Variants in C1orf167 observed in about 807,000 individuals in gnomAD.
C1orf167 encodes uncharacterized protein C1orf167.
In C1orf167, 153 loss-of-function variants were observed where a neutral mutation model predicts 176.5. The observed-to-expected ratio is 0.87, with a 90% confidence interval of 0.76 to 0.99. C1orf167 has a LOEUF of 0.99. C1orf167 is among the 50% of genes least tolerant of loss of function. The probability of loss-of-function intolerance (pLI) is 0.00; values close to 1 mark genes in which losing one functional copy is unlikely to be tolerated. For synonymous variants in C1orf167, 594 were observed against 752.7 expected (o/e 0.79, Z 3.45); for missense variants, 1,490 against 1,817.7 (o/e 0.82, Z 3.28).
chr1:11,767,043 T>G lies in C1orf167; in HGVS notation c.1257T>G (p.Ala419=), dbSNP rs1642832745. 8.2e-7 allele frequency: 1 copy of G among 1,222,370 alleles called. No individual in the cohort carries two copies. Among genetic ancestry groups the G allele is most frequent in the Non-Finnish European group, 1.0e-6 (1 of 954,592 alleles). 75.7% of individuals were successfully genotyped at this position (1,222,370 alleles called of 1,614,324 possible). A position where few individuals can be genotyped will look rare whatever the true frequency, so the allele number is the denominator to read the frequency against. The stretch of plus-strand genomic sequence containing the variant: ...TCCACAGGGAGGAGGAGAGGACAGC[T>G]TTCCATCTGTCAGACACAGTCCCAG... ...ERVHREEERT[A]FHLSDTVPAS... Residue 419 remains alanine, a synonymous_variant, in exon 3 of 21, where the codon GCT becomes GCG. Transcript: ENST00000688073.
intron 8 of C1orf167, among the ~76,000 whole-genome samples, chr1:11,773,839 T>C (rs1323812194): frequency 6.6e-6 from 1 of 152,194 alleles, no homozygotes; most frequent in Non-Finnish European, 1.5e-5. Context: ...GTATATATTG[T>C]ATTAGAGTTT....
intron 9 of C1orf167, 23 bp downstream of exon 9, chr1:11,775,633 C>A: frequency 7.8e-7 from 1 of 1,289,246 alleles, no homozygotes; most frequent in South Asian, 1.3e-5. Context: ...TGGCTTCCGC[C>A]CCAGCAAACC....
chr1:11,764,824 G>C (rs1033096026), intron 2 of C1orf167, among the ~76,000 whole-genome samples: 8 of 152,150 alleles, frequency 5.3e-5, no homozygotes, highest in African/African-American at 1.9e-4. Flanking sequence ...AGAGGCCAAG[G>C]TGGGTGGATC....
At chr1:11,763,050 C>T (rs559204263) in intron 1 of C1orf167, among the ~76,000 whole-genome samples, 11 of 152,110 alleles carry the variant, frequency 7.2e-5, no homozygotes, top group Admixed American at 2.0e-4. Context: ...GTCGTGTGTG[C>T]CATTTGGAGG....
chr1:11,780,410 C>T (rs1889294), intron 13 of C1orf167, among the ~76,000 whole-genome samples: 10,480 of 152,174 alleles, frequency 0.069, 400 homozygotes, highest in Middle Eastern at 0.11. Context: ...CACCACCCCC[C>T]ATACCCTCCC....
chr1:11,782,936 AGG>A (rs1286242744), intron 14 of C1orf167, among the ~76,000 whole-genome samples: 7 of 137,834 alleles, frequency 5.1e-5, no homozygotes, highest in Admixed American at 1.5e-4. Context: ...AAAAAAAAAA[AGG>A]AGGAGAAATC....
At chr1:11,781,428 G>A (rs1570423955) in intron 13 of C1orf167, among the ~76,000 whole-genome samples, 1 of 152,318 alleles carries the variant, frequency 6.6e-6, no homozygotes, top group East Asian at 1.9e-4. Context: ...CACGAACACA[G>A]GATGCTGTCT....
At position 11,767,036 on chromosome 1, in the gene C1orf167, G is replaced by C. The variant is rs1013077736; in HGVS notation, c.1250G>C (p.Arg417Thr). 8.2e-7 allele frequency: 1 copy of C among 1,221,860 alleles called. No individual in the cohort carries two copies. The highest frequency in any genetic ancestry group is 1.6e-5 in the African/African-American group (1 of 64,118). 75.7% of individuals were successfully genotyped at this position (1,221,860 alleles called of 1,614,324 possible). A position where few individuals can be genotyped will look rare whatever the true frequency, so the allele number is the denominator to read the frequency against. Residue 417 changes from arginine (R) to threonine (T), a missense_variant, in exon 3 of 21, where the codon AGG becomes ACG. By Grantham distance (71) the Arg-to-Thr change is moderately conservative. Coordinates refer to ENST00000688073, the MANE Select transcript of C1orf167 (RefSeq NM_001010881.2). ...PRERVHREEE[R>T]TAFHLSDTVP... ...GAGCGGGTCCACAGGGAGGAGGAGA[G>C]GACAGCTTTCCATCTGTCAGACACA...
chr1:11,781,391 G>A (rs1643595772), intron 13 of C1orf167, among the ~76,000 whole-genome samples: 1 of 152,208 alleles, frequency 6.6e-6, no homozygotes, highest in South Asian at 2.1e-4. Context: ...AACCCAGCCT[G>A]TATTCAAGGC....
chr1:11,769,564 T>C (rs185026482), intron 6 of C1orf167, among the ~76,000 whole-genome samples: 1 of 151,654 alleles, frequency 6.6e-6, no homozygotes, highest in African/African-American at 2.4e-5. Flanking sequence ...CAAGACCCTG[T>C]CTCAAAAAAA....
At position 11,772,260 on chromosome 1, in the gene C1orf167, G is replaced by A; in HGVS notation, c.1988+1G>A. 3.1e-6 allele frequency: 4 copies of A among 1,299,454 alleles called. No homozygotes were observed. Among genetic ancestry groups the A allele is most frequent in the South Asian group, 1.2e-5 (1 of 80,720 alleles). The allele number at this position is 1,299,454 out of a possible 1,614,324, so 80.5% of individuals were successfully genotyped here. ...AGCACCAGAGAGCTTGGCTGTGCAG[G>A]TAGGATGCCCTTCCCTTTTTTTTGA... On this transcript the variant is annotated splice_donor_variant, in intron 8 of 20. Transcript: ENST00000688073. LOFTEE classifies it high-confidence loss of function.
At chr1:11,771,025 G>A (rs1287034063) in intron 6 of C1orf167, among the ~76,000 whole-genome samples, 2 of 63,638 alleles carry the variant, frequency 3.1e-5, no homozygotes, top group African/African-American at 8.7e-5. Flanking sequence ...GGCAGCGTGT[G>A]TGTGTATGTG....
intron 9 of C1orf167, among the ~76,000 whole-genome samples, chr1:11,776,222 A>G (rs1643305896): frequency 1.3e-5 from 2 of 152,226 alleles, no homozygotes; most frequent in South Asian, 4.1e-4. Context: ...GTGCCATTGC[A>G]TTCCAGCCTG....
chr1:11,767,433 C>T (rs1031921607), intron 4 of C1orf167, among the ~76,000 whole-genome samples, 169 bp downstream of exon 4: 3 of 152,082 alleles, frequency 2.0e-5, no homozygotes, highest in African/African-American at 7.2e-5. Flanking sequence ...AGGGAGCCTC[C>T]AGGGCCCCAG....
In C1orf167 at chr1:11,784,606, G is replaced by A. The variant is rs1643754899; in HGVS notation, c.3425+13G>A. ...AGCCGCGAGCCTGGTGAGTGCTGTG[G>A]TCTAAGTGCAGCCCCACTCTGTGCT... On this transcript the variant is annotated intron_variant, in intron 15 of 20. Coordinates refer to ENST00000688073, the MANE Select transcript of C1orf167 (RefSeq NM_001010881.2). The A allele has an allele frequency of 8.1e-7, 1 of 1,229,956 alleles. No individual in the cohort carries two copies. Among genetic ancestry groups the A allele is most frequent in the Non-Finnish European group, 1.0e-6 (1 of 952,412 alleles). The allele number at this position is 1,229,956 out of a possible 1,614,324, so 76.2% of individuals were successfully genotyped here.
At position 11,766,181 on chromosome 1, in the gene C1orf167, GC is replaced by G; in HGVS notation, c.400del (p.His134ThrfsTer33). On this transcript the variant is annotated frameshift_variant, in exon 3 of 21. Coordinates refer to ENST00000688073, the MANE Select transcript of C1orf167 (RefSeq NM_001010881.2). LOFTEE classifies it high-confidence loss of function. The surrounding 1 kb of genome is among the most constrained non-coding windows in gnomAD (Gnocchi z 4.5). Reference sequence around the variant, plus strand: ...AACCTGAGCATCAACGAGACCAGCAGCCCCCACCTCTGCCCAGAGCCTGGGG... The same window carrying G: ...AACCTGAGCATCAACGAGACCAGCAGCCCCACCTCTGCCCAGAGCCTGGGG... ...QSNLSINETS[S>X]PHLCPEPGGS... The G allele has an allele frequency of 7.8e-7, 1 of 1,289,786 alleles. No homozygotes were observed. The highest frequency in any genetic ancestry group is 1.0e-6 in the Non-Finnish European group (1 of 988,842). 79.9% of individuals were successfully genotyped at this position (1,289,786 alleles called of 1,614,324 possible).
chr1:11,767,339 G>A (rs1259034783), intron 4 of C1orf167, 75 bp downstream of exon 4: 2 of 1,190,872 alleles, frequency 1.7e-6, no homozygotes, highest in Non-Finnish European at 2.2e-6. Context: ...CCATTTGCCT[G>A]TCCAAATGGA....
At chr1:11,785,623 A>T (rs1407071152) in intron 16 of C1orf167, 1 of 178,878 alleles carries the variant, frequency 5.6e-6, no homozygotes, top group East Asian at 1.4e-4. Context: ...CCGGCCGCAA[A>T]GACCAGCATG....
chr1:11,783,335 C>T (rs536299887), intron 14 of C1orf167, among the ~76,000 whole-genome samples: 11 of 152,222 alleles, frequency 7.2e-5, no homozygotes, highest in South Asian at 6.2e-4. Flanking sequence ...ACAACCTCCG[C>T]CTCCCGGGTT....
Sources: allele counts gnomAD v4.1 joint callset (sites outside exome capture counted in the v4.1 genomes callset), GRCh38; gene constraint gnomAD v4.1.1; non-coding constraint Gnocchi (gnomAD v3.1); transcripts MANE v1.5; gene names NCBI Gene and HGNC (gene_info 2026-07-23, HGNC 2026-07-21).